AFTPH: variants seen among roughly 807,000 people sequenced by gnomAD.
AFTPH encodes aftiphilin protein.
Under a neutral mutation model 72.5 loss-of-function variants are expected in AFTPH, and 7 were observed. The observed-to-expected ratio is 0.10, with a 90% confidence interval of 0.05 to 0.18. The LOEUF is 0.18. Among genes scored for constraint, AFTPH ranks in the 10% least tolerant of loss-of-function variants. AFTPH has a pLI of 1.00. For missense variants in AFTPH, 979 were observed against 1,060.5 expected (o/e 0.92, Z 1.07); for synonymous variants, 337 against 370.1 (o/e 0.91, Z 1.03).
chr2:64,565,150 C>A (rs1224425652), intron 2 of AFTPH, among the ~76,000 whole-genome samples: 1 of 151,676 alleles, frequency 6.6e-6, no homozygotes, highest in African/African-American at 2.4e-5. Context: ...GAAATTGATA[C>A]ACTTTTAAAA....
At chr2:64,570,913 C>CCA (rs1672378446) in intron 5 of AFTPH, among the ~76,000 whole-genome samples, 2 of 55,826 alleles carry the variant, frequency 3.6e-5, no homozygotes, top group Non-Finnish European at 3.3e-5. Context: ...TCTTTCCTCC[C>CCA]CTCCCCCCCC....
At chr2:64,574,820 G>T (rs571318933) in intron 6 of AFTPH, among the ~76,000 whole-genome samples, 10 of 152,276 alleles carry the variant, frequency 6.6e-5, no homozygotes, top group African/African-American at 2.4e-4. Context: ...GCCCTGATAC[G>T]CCCTCTGGCT....
At position 64,567,689 on chromosome 2, in the gene AFTPH, C is replaced by G. The variant is rs781022622; in HGVS notation, c.2063C>G (p.Thr688Arg). 6 of 1,612,998 alleles carry G rather than the reference C, an allele frequency of 3.7e-6. No homozygotes were observed. The highest frequency in any genetic ancestry group is 4.2e-6 in the Non-Finnish European group (5 of 1,179,582). Residue 688 changes from threonine to arginine, a missense_variant, in exon 3 of 9, where the codon ACG becomes AGG. Physicochemically the swap from Thr to Arg is moderately conservative, Grantham distance 71. Transcript: ENST00000238856. ...GAAACAAGCACTTTGCCAATAAAAA[C>G]GAGAGAGGCCTTACCTGAAAGTGGG...
At chr2:64,576,205 T>G (rs1386867278) in intron 6 of AFTPH, among the ~76,000 whole-genome samples, 1 of 148,674 alleles carries the variant, frequency 6.7e-6, no homozygotes, top group African/African-American at 2.5e-5. Flanking sequence ...ATAACATATA[T>G]ATATATGTAA....
At chr2:64,536,566 T>TAAAA (rs142981388) in intron 1 of AFTPH, among the ~76,000 whole-genome samples, 1 of 107,660 alleles carries the variant, frequency 9.3e-6, no homozygotes, top group Non-Finnish European at 2.0e-5. Flanking sequence ...GACTCCATCT[T>TAAAA]AAAAAAAAAA....
chr2:64,567,496 A>C, intron 2 of AFTPH, 66 bp from the exon 3 acceptor site: 1 of 1,516,922 alleles, frequency 6.6e-7, no homozygotes, highest in Non-Finnish European at 8.9e-7. Flanking sequence ...TTTGCATTTT[A>C]ATGCTATAAC....
intron 1 of AFTPH, among the ~76,000 whole-genome samples, chr2:64,536,970 AAAAAAGAAG>A (rs1323569437): frequency 2.0e-5 from 3 of 150,658 alleles, no homozygotes; most frequent in African/African-American, 7.3e-5. Context: ...AAAAAAAAAA[AAAAAAGAAG>A]AAGAAGAAGA....
intron 1 of AFTPH, among the ~76,000 whole-genome samples, chr2:64,528,103 T>C (rs1669389299): frequency 6.6e-6 from 1 of 152,270 alleles, no homozygotes; most frequent in South Asian, 2.1e-4. Context: ...CTTGCAAAGA[T>C]AGATTGCTAA....
intron 8 of AFTPH, among the ~76,000 whole-genome samples, chr2:64,588,479 T>G (rs1198739799): frequency 6.6e-6 from 1 of 152,216 alleles, no homozygotes; most frequent in Non-Finnish European, 1.5e-5. Context: ...ATAGGAACTC[T>G]AACTTCTTTG....
intron 1 of AFTPH, among the ~76,000 whole-genome samples, chr2:64,546,534 C>T (rs1350765965): frequency 6.6e-6 from 1 of 151,780 alleles, no homozygotes; most frequent in East Asian, 1.9e-4. Context: ...CTAAAATACA[C>T]ATATTTAAAT....
At chr2:64,566,653 A>G (rs1240568255) in intron 2 of AFTPH, among the ~76,000 whole-genome samples, 2 of 152,136 alleles carry the variant, frequency 1.3e-5, no homozygotes, top group East Asian at 1.9e-4. Context: ...TATTACATGT[A>G]TCTGAAATAG....
chr2:64,577,744 GTTT>G (rs891154979), intron 6 of AFTPH, among the ~76,000 whole-genome samples: 8 of 152,154 alleles, frequency 5.3e-5, no homozygotes, highest in South Asian at 2.1e-4. Flanking sequence ...GTTTTCAGCA[GTTT>G]TTTAACTTTT....
Position 64,576,077 on chromosome 2 carries a change from A to G in AFTPH, c.2394+3009A>G, listed in dbSNP as rs1672766294. Among the ~76,000 whole-genome samples the G allele has an allele frequency of 2.2e-4, 8 of 36,130 alleles. No individual in the cohort carries two copies. The South Asian group carries it at 8.3e-3, about 37-fold the overall frequency. 23.7% of individuals were successfully genotyped at this position (36,130 alleles called of 152,430 possible). On this transcript the variant is annotated intron_variant, in intron 6 of 8. Coordinates refer to ENST00000238856, the Ensembl canonical transcript of AFTPH. ...TTACCACTCTTCTTTGGCATGCTAC[A>G]CACACACACACACACACACACACAC...
At chr2:64,558,483 AT>A (rs1490333996) in intron 2 of AFTPH, among the ~76,000 whole-genome samples, 1 of 152,242 alleles carries the variant, frequency 6.6e-6, no homozygotes, top group Non-Finnish European at 1.5e-5. Context: ...CTATGCTCAC[AT>A]TTAAGAAAGA....
chr2:64,531,485 G>A (rs1437940552), intron 1 of AFTPH, among the ~76,000 whole-genome samples: 1 of 152,186 alleles, frequency 6.6e-6, no homozygotes, highest in Non-Finnish European at 1.5e-5. Context: ...ATTTAAACCT[G>A]AGATATGCCT....
chr2:64,531,072 A>C (rs545045798), intron 1 of AFTPH, among the ~76,000 whole-genome samples: 2 of 151,514 alleles, frequency 1.3e-5, no homozygotes, highest in Admixed American at 6.6e-5. Flanking sequence ...AAAAAAAAAA[A>C]AAAAAAAAAC....
intron 7 of AFTPH, among the ~76,000 whole-genome samples, chr2:64,585,218 A>T (rs1180123046): frequency 6.6e-6 from 1 of 152,242 alleles, no homozygotes; most frequent in Non-Finnish European, 1.5e-5. Context: ...TGGAATTTGA[A>T]AAGTCTTTTC....
intron 1 of AFTPH, among the ~76,000 whole-genome samples, chr2:64,548,744 G>T (rs1457909272): frequency 6.6e-6 from 1 of 151,884 alleles, no homozygotes; most frequent in Non-Finnish European, 1.5e-5. Context: ...AATTAGAAGG[G>T]GTTATCAGGA....
At chr2:64,558,429 A>G (rs1420261130) in intron 2 of AFTPH, among the ~76,000 whole-genome samples, 1 of 152,212 alleles carries the variant, frequency 6.6e-6, no homozygotes, top group African/African-American at 2.4e-5. Context: ...CTCTAAATAA[A>G]GACACAAAGC....
Sources: gnomAD v4.1 joint callset for allele counts (sites outside exome capture counted in the v4.1 genomes callset) on GRCh38, gnomAD v4.1.1 for gene constraint, MANE v1.5 for transcripts, NCBI Gene and HGNC (gene_info 2026-07-23, HGNC 2026-07-21) for gene names.